CMKLR2: variants seen among roughly 807,000 people sequenced by gnomAD.
CMKLR2 encodes chemerin chemokine-like receptor 2, also known as chemerin-like receptor 2.
In CMKLR2, 18 loss-of-function variants were observed where a neutral mutation model predicts 23.0. The ratio of observed to expected loss-of-function variants is 0.78; its 90% CI spans 0.54 to 1.16. CMKLR2 has a LOEUF of 1.16. Ranked by LOEUF, CMKLR2 falls within the 50% of genes most tolerant of loss-of-function variation. CMKLR2 has a pLI of 0.00. For synonymous variants in CMKLR2, 158 were observed against 158.9 expected, an observed-to-expected ratio of 0.99 and a Z score of 0.05; for missense variants, 401 against 412.7, an observed-to-expected ratio of 0.97 and a Z score of 0.25.
intron 1 of CMKLR2, among the ~76,000 whole-genome samples, chr2:206,199,859 G>T (rs1197507313): frequency 6.6e-6 from 1 of 152,026 alleles, no homozygotes; most frequent in Non-Finnish European, 1.5e-5. Flanking sequence ...TGGGATTACA[G>T]GCGTGAGACA....
chr2:206,200,748 C>A (rs1292300133), intron 1 of CMKLR2, among the ~76,000 whole-genome samples: 1 of 152,184 alleles, frequency 6.6e-6, no homozygotes, highest in Non-Finnish European at 1.5e-5. Context: ...CAGGCATGTG[C>A]CATCGTACCT....
At chr2:206,217,527 A>C (rs1293593122), upstream of CMKLR2, 4 of 152,222 alleles carry the variant, frequency 2.6e-5, no homozygotes, top group Non-Finnish European at 5.9e-5. Flanking sequence ...CGATGCAGAA[A>C]GTGATTCTTG....
At chr2:206,198,803 C>A (rs1356464669) in intron 1 of CMKLR2, among the ~76,000 whole-genome samples, 4 of 152,116 alleles carry the variant, frequency 2.6e-5, no homozygotes, top group African/African-American at 9.7e-5. Context: ...ATATTCTATT[C>A]AAATATTTCA....
chr2:206,209,447 G>A (rs1689456319), intron 1 of CMKLR2, among the ~76,000 whole-genome samples: 1 of 151,958 alleles, frequency 6.6e-6, no homozygotes, highest in Non-Finnish European at 1.5e-5. Context: ...GTAAATGTGT[G>A]TCAGGGTGGT....
chr2:206,180,515 G>A (rs1465466439), intron 1 of CMKLR2, among the ~76,000 whole-genome samples: 5 of 152,030 alleles, frequency 3.3e-5, no homozygotes, highest in Non-Finnish European at 7.4e-5. Flanking sequence ...GCTCACTGCA[G>A]CCTCAAACTC....
At chr2:206,217,476 C>T (rs1003583205), upstream of CMKLR2, 2 of 152,280 alleles carry the variant, frequency 1.3e-5, no homozygotes, top group Non-Finnish European at 2.9e-5. Context: ...TAAATGAGGA[C>T]GAAGCCTTGT....
At chr2:206,183,871 CTAAGT>C (rs1688491797) in intron 1 of CMKLR2, among the ~76,000 whole-genome samples, 1 of 152,176 alleles carries the variant, frequency 6.6e-6, no homozygotes, top group Admixed American at 6.5e-5. Flanking sequence ...ACTTCCAGAT[CTAAGT>C]AAGTTTCCAG....
intron 1 of CMKLR2, among the ~76,000 whole-genome samples, chr2:206,211,123 T>C (rs1246435387): frequency 6.6e-6 from 1 of 152,110 alleles, no homozygotes; most frequent in African/African-American, 2.4e-5. Context: ...CATGAAGGCT[T>C]TTCTTTTCCT....
At chr2:206,217,312 T>G (rs1168563729), upstream of CMKLR2, 3 of 152,210 alleles carry the variant, frequency 2.0e-5, no homozygotes, top group Non-Finnish European at 4.4e-5. Flanking sequence ...TTGGTTAAAC[T>G]GTGAGGCTGG....
intron 1 of CMKLR2, among the ~76,000 whole-genome samples, chr2:206,187,617 G>C (rs1011529595): frequency 6.6e-6 from 1 of 152,136 alleles, no homozygotes; most frequent in Non-Finnish European, 1.5e-5. Flanking sequence ...ATCATGTTGT[G>C]TTGTATTTCT....
chr2:206,209,967 T>C (rs1395077246), intron 1 of CMKLR2, among the ~76,000 whole-genome samples: 6 of 132,850 alleles, frequency 4.5e-5, no homozygotes, highest in Admixed American at 3.8e-4. Context: ...CTTTTCTTTC[T>C]TTTTTTTTTT....
intron 1 of CMKLR2, among the ~76,000 whole-genome samples, chr2:206,198,943 TCAG>T (rs1689003172): frequency 1.3e-5 from 2 of 152,190 alleles, no homozygotes; most frequent in Admixed American, 1.3e-4. Flanking sequence ...GTTATAAACA[TCAG>T]CAGTGCCCAG....
intron 1 of CMKLR2, among the ~76,000 whole-genome samples, chr2:206,189,965 G>C (rs187796772): frequency 2.6e-5 from 4 of 152,174 alleles, no homozygotes; most frequent in Admixed American, 2.6e-4. Flanking sequence ...AAGGCGTTGA[G>C]GCACAGCAAC....
chr2:206,186,342 A>G (rs987438151), intron 1 of CMKLR2, among the ~76,000 whole-genome samples: 1 of 151,970 alleles, frequency 6.6e-6, no homozygotes, highest in Admixed American at 6.6e-5. Context: ...CGATCTCCTG[A>G]CCTTGTGATC....
rs149527385 is a variant in CMKLR2, at chr2:206,186,189, G to T, written c.-28-8914C>A. Among the ~76,000 whole-genome samples, 487 of 148,674 alleles carry T rather than the reference G, an allele frequency of 3.3e-3. 4 individuals carry two copies. Among genetic ancestry groups the T allele is most frequent in the African/African-American group, 0.011 (461 of 40,378 alleles). On this transcript the variant is annotated intron_variant, in intron 1 of 1. Transcript: ENST00000621141. Reference sequence around the variant, plus strand: ...TGCAGTGGCGCAATCTTGGCTCACTGCAAGCTCTGTCTCCCAGGTTCATGC... The same window carrying T: ...TGCAGTGGCGCAATCTTGGCTCACTTCAAGCTCTGTCTCCCAGGTTCATGC...
At chr2:206,211,745 A>C (rs1312591345) in intron 1 of CMKLR2, among the ~76,000 whole-genome samples, 1 of 151,154 alleles carries the variant, frequency 6.6e-6, no homozygotes, top group Non-Finnish European at 1.5e-5. Context: ...CAAAACAAAA[A>C]ACAAAAAAAC....
upstream of CMKLR2, among the ~76,000 whole-genome samples, chr2:206,214,129 CAG>C (rs1224408362): frequency 1.4e-5 from 2 of 144,206 alleles, no homozygotes; most frequent in Non-Finnish European, 3.0e-5. Flanking sequence ...GCTGGGATTA[CAG>C]GCATGAACCA....
At position 206,176,735 on chromosome 2, in the gene CMKLR2, A is replaced by G; in HGVS notation, c.513T>C (p.Pro171=). 1.9e-6 allele frequency: 3 copies of G among 1,614,218 alleles called. No individual in the cohort carries two copies. Among genetic ancestry groups the G allele is most frequent in the African/African-American group, 1.3e-5 (1 of 75,054 alleles). The change falls in exon 2 of 2, where the codon CCT becomes CCC. Residue 171 remains proline, a synonymous_variant. Coordinates refer to ENST00000621141, the MANE Select transcript of CMKLR2 (RefSeq NM_001389445.1). ...IWLLASLIGG[P]ALYFRDTVEF... is the part of the protein sequence containing the mutation. ...CCACAGTGTCCCGGAAGTACAGGGC[A>G]GGACCGCCAATTAGAGAAGCCAAAA... is the stretch of plus-strand genomic sequence containing the variant.
chr2:206,181,353 C>G (rs1023608373), intron 1 of CMKLR2, among the ~76,000 whole-genome samples: 4 of 151,726 alleles, frequency 2.6e-5, no homozygotes, highest in African/African-American at 7.3e-5. Flanking sequence ...AGCCACCATG[C>G]CTGGCCCTAT....
Sources: gnomAD v4.1 joint callset for allele counts (sites outside exome capture counted in the v4.1 genomes callset) on GRCh38, gnomAD v4.1.1 for gene constraint, MANE v1.5 for transcripts, NCBI Gene and HGNC (gene_info 2026-07-23, HGNC 2026-07-21) for gene names.